CPNE4: variants seen among roughly 807,000 people sequenced by gnomAD.
CPNE4 encodes the protein copine-4.
In CPNE4, 25 loss-of-function variants were observed where a neutral mutation model predicts 67.9. The ratio of observed to expected loss-of-function variants is 0.37; its 90% CI spans 0.27 to 0.51. CPNE4 has a LOEUF of 0.51. Ranked by LOEUF, CPNE4 falls within the 20% of genes least tolerant of loss-of-function variation. CPNE4 has a pLI of 0.93. For missense variants in CPNE4, 464 were observed against 690.8 expected, an observed-to-expected ratio of 0.67 and a Z score of 3.68; for synonymous variants, 242 against 244.9, an observed-to-expected ratio of 0.99 and a Z score of 0.11.
At chr3:131,734,661 A>G (rs900687659) in intron 2 of CPNE4, among the ~76,000 whole-genome samples, 2 of 152,108 alleles carry the variant, frequency 1.3e-5, no homozygotes, top group Non-Finnish European at 2.9e-5. Context: ...CGAGGCAGCC[A>G]GATCCCTTGA....
At chr3:131,645,663 T>A (rs1159322245) in intron 7 of CPNE4, among the ~76,000 whole-genome samples, 2 of 152,218 alleles carry the variant, frequency 1.3e-5, no homozygotes, top group Non-Finnish European at 2.9e-5. Flanking sequence ...CTTTGAAGTC[T>A]CAAGAGCCTT....
At chr3:131,978,386 T>TTA (rs1354150623) in intron 1 of CPNE4, among the ~76,000 whole-genome samples, 436 of 1,066 alleles carry the variant, frequency 0.41, 169 homozygotes, top group Non-Finnish European at 0.54. Flanking sequence ...ATTTATATAT[T>TTA]TATATATTTA....
intron 10 of CPNE4, among the ~76,000 whole-genome samples, chr3:131,569,671 A>AAAAAAAAAG (rs1937234612): frequency 6.6e-6 from 1 of 151,580 alleles, no homozygotes; most frequent in Non-Finnish European, 1.5e-5. Context: ...AACAAAAAAA[A>AAAAAAAAAG]AAAGAAGAAA....
At chr3:131,708,441 G>C (rs2081468374) in intron 3 of CPNE4, among the ~76,000 whole-genome samples, 1 of 152,140 alleles carries the variant, frequency 6.6e-6, no homozygotes, top group East Asian at 1.9e-4. Context: ...GAAGAGTCCT[G>C]AGCTAAGAGT....
intron 11 of CPNE4, among the ~76,000 whole-genome samples, chr3:131,557,995 A>T (rs929077417): frequency 3.3e-5 from 5 of 151,938 alleles, no homozygotes; most frequent in African/African-American, 9.7e-5. Flanking sequence ...CTAACATTCC[A>T]TCCATTTCTA....
At chr3:131,787,861 A>G (rs2083608451) in intron 2 of CPNE4, among the ~76,000 whole-genome samples, 1 of 152,134 alleles carries the variant, frequency 6.6e-6, no homozygotes, top group Non-Finnish European at 1.5e-5. Context: ...TTTATCTTAT[A>G]AAGGTGGTGC....
intron 7 of CPNE4, among the ~76,000 whole-genome samples, chr3:131,601,924 G>A (rs1179726695): frequency 6.6e-6 from 1 of 152,186 alleles, no homozygotes; most frequent in African/African-American, 2.4e-5. Flanking sequence ...CCAGCTGTGA[G>A]ACGTTGGGCA....
intron 2 of CPNE4, among the ~76,000 whole-genome samples, chr3:131,753,022 T>A (rs936258855): frequency 4.0e-5 from 6 of 151,328 alleles, no homozygotes; most frequent in African/African-American, 1.5e-4. Context: ...AAATATAAAT[T>A]GTATATAAAA....
chr3:131,730,843 G>A (rs1346957618), intron 2 of CPNE4, among the ~76,000 whole-genome samples: 1 of 152,148 alleles, frequency 6.6e-6, no homozygotes, highest in South Asian at 2.1e-4. Context: ...CTGATGTCTT[G>A]ATCTTGGACT....
chr3:131,686,845 C>G (rs1358756914), intron 5 of CPNE4, among the ~76,000 whole-genome samples: 1 of 152,180 alleles, frequency 6.6e-6, no homozygotes, highest in African/African-American at 2.4e-5. Context: ...TGTTGGACTA[C>G]TTGTCTTCTC....
chr3:131,957,733 C>A (rs1198369611), intron 1 of CPNE4, among the ~76,000 whole-genome samples: 1 of 152,212 alleles, frequency 6.6e-6, no homozygotes, highest in African/African-American at 2.4e-5. Context: ...ATTTGTTGCA[C>A]ACAGCCTCTG....
At chr3:131,865,771 G>C (rs775240301) in intron 2 of CPNE4, among the ~76,000 whole-genome samples, 2 of 152,198 alleles carry the variant, frequency 1.3e-5, no homozygotes, top group Non-Finnish European at 2.9e-5. Context: ...AAGCAGACCT[G>C]GAGAGAGATC....
At chr3:131,666,943 T>C (rs542515130) in intron 7 of CPNE4, among the ~76,000 whole-genome samples, 7 of 152,216 alleles carry the variant, frequency 4.6e-5, no homozygotes, top group Non-Finnish European at 8.8e-5. Context: ...CTGGCAAACA[T>C]AAACAATGGC....
At chr3:131,783,025 A>G (rs1226929713) in intron 2 of CPNE4, among the ~76,000 whole-genome samples, 1 of 152,110 alleles carries the variant, frequency 6.6e-6, no homozygotes, top group Non-Finnish European at 1.5e-5. Context: ...AACCACAATG[A>G]TTTTGTGTAC....
chr3:131,943,190 A>G (rs1054254724), intron 1 of CPNE4, among the ~76,000 whole-genome samples: 10 of 152,178 alleles, frequency 6.6e-5, no homozygotes, highest in Non-Finnish European at 1.3e-4. Flanking sequence ...CCTTGCAATC[A>G]AAAACATTTA....
intron 7 of CPNE4, among the ~76,000 whole-genome samples, chr3:131,627,193 C>CAAAAAA (rs57977015): frequency 1.5e-5 from 1 of 68,384 alleles, no homozygotes; most frequent in African/African-American, 4.1e-5. Context: ...GACTCCATCT[C>CAAAAAA]AAAAAAAAAA....
chr3:131,665,010 G>T (rs946113702), intron 7 of CPNE4, among the ~76,000 whole-genome samples: 1 of 152,030 alleles, frequency 6.6e-6, no homozygotes, highest in Non-Finnish European at 1.5e-5. Context: ...GGTAATTAAG[G>T]CTCAGTAGAC....
At chr3:131,921,808 A>G (rs1295691445) in intron 1 of CPNE4, among the ~76,000 whole-genome samples, 2 of 152,228 alleles carry the variant, frequency 1.3e-5, no homozygotes, top group Non-Finnish European at 2.9e-5. Context: ...TGAATCGTCA[A>G]AGTAATTAGC....
intron 1 of CPNE4, among the ~76,000 whole-genome samples, chr3:131,953,786 TACAA>T (rs2071851973): frequency 6.6e-6 from 1 of 152,134 alleles, no homozygotes; most frequent in Non-Finnish European, 1.5e-5. Context: ...GGTTAATGAG[TACAA>T]ACATACAGTT....
Sources: gnomAD v4.1 joint callset for allele counts (sites outside exome capture counted in the v4.1 genomes callset) on GRCh38, gnomAD v4.1.1 for gene constraint, MANE v1.5 for transcripts, NCBI Gene and HGNC (gene_info 2026-07-23, HGNC 2026-07-21) for gene names.